TSGA10: variants seen among roughly 807,000 people sequenced by gnomAD.
The protein encoded by TSGA10 is testis-specific gene 10 protein.
In TSGA10, 43 loss-of-function variants were observed where a neutral mutation model predicts 96.6. The observed-to-expected ratio is 0.44, with a 90% CI of 0.35 to 0.57. TSGA10 has a LOEUF of 0.57. Among genes scored for constraint, TSGA10 ranks in the 20% least tolerant of loss-of-function variants. The pLI, the probability that TSGA10 is intolerant of heterozygous loss-of-function variation, is 0.01. For missense variants in TSGA10, 703 were observed against 834.4 expected (o/e 0.84, Z 1.94); for synonymous variants, 229 against 269.9 (o/e 0.85, Z 1.48).
At chr2:99,026,728 C>T (rs1365906706) in intron 17 of TSGA10, among the ~76,000 whole-genome samples, 1 of 152,056 alleles carries the variant, frequency 6.6e-6, no homozygotes, top group Non-Finnish European at 1.5e-5. Context: ...CGGCCCAAAG[C>T]AGCTCTTTTA....
At chr2:99,070,171 C>T (rs1003406433) in intron 14 of TSGA10, among the ~76,000 whole-genome samples, 1 of 152,040 alleles carries the variant, frequency 6.6e-6, no homozygotes, top group Non-Finnish European at 1.5e-5. Flanking sequence ...TTGAACAAGG[C>T]AGGAAAATGC....
chr2:99,119,536 C>A (rs1034747326), intron 2 of TSGA10, among the ~76,000 whole-genome samples: 2 of 152,128 alleles, frequency 1.3e-5, no homozygotes, highest in African/African-American at 4.8e-5. Flanking sequence ...TTGAAATGTA[C>A]ACACTTGAAA....
intron 20 of TSGA10, among the ~76,000 whole-genome samples, chr2:99,008,334 T>A (rs1249701862): frequency 1.3e-5 from 2 of 152,248 alleles, no homozygotes; most frequent in East Asian, 1.9e-4. Context: ...GTACTAAAAA[T>A]TTTTTTAACA....
At chr2:99,040,221 C>T (rs201494495) in intron 16 of TSGA10, among the ~76,000 whole-genome samples, 1 of 152,078 alleles carries the variant, frequency 6.6e-6, no homozygotes, top group East Asian at 1.9e-4. Context: ...GACAAGAATG[C>T]CCACTTTCAC....
At position 99,035,130 on chromosome 2, in the gene TSGA10, G is replaced by A. The variant is rs1167805091; in HGVS notation, c.1614+100C>T. 3 of 811,130 alleles carry A rather than the reference G, an allele frequency of 3.7e-6. No individual in the cohort carries two copies. The African/African-American group carries it at 5.2e-5, about 14-fold the overall frequency. The allele number at this position is 811,130 out of a possible 1,614,324, so 50.2% of individuals were successfully genotyped here. A position where few individuals can be genotyped will look rare whatever the true frequency, so the allele number is the denominator to read the frequency against. On this transcript the variant is annotated intron_variant, in intron 17 of 20. Coordinates refer to ENST00000393483, the MANE Select transcript of TSGA10 (RefSeq NM_025244.4). ...AAATAAAATCTAAGTTCAAAGACAT[G>A]GATTCATGTAATATTACATAAAAAA...
At chr2:99,150,628 C>G in intron 1 of TSGA10, 1 of 1,613,952 alleles carries the variant, frequency 6.2e-7, no homozygotes, top group African/African-American at 1.3e-5. Context: ...AGTGGATGAT[C>G]ACTTAATACG....
At chr2:99,152,939 G>A (rs2093707666) in intron 1 of TSGA10, among the ~76,000 whole-genome samples, 2 of 152,222 alleles carry the variant, frequency 1.3e-5, no homozygotes, top group African/African-American at 4.8e-5. Context: ...TTTTGAAGTT[G>A]TATACAGAAA....
intron 2 of TSGA10, chr2:99,125,427 GACA>G (rs1574573893): frequency 6.6e-6 from 1 of 152,136 alleles, no homozygotes; most frequent in East Asian, 1.9e-4. Flanking sequence ...TTTTTCCTGA[GACA>G]ACTTTTCTTC....
At chr2:99,122,494 T>A (rs1476098394) in intron 2 of TSGA10, among the ~76,000 whole-genome samples, 3 of 151,196 alleles carry the variant, frequency 2.0e-5, no homozygotes, top group Non-Finnish European at 2.9e-5. Context: ...TAAAAAAAAA[T>A]TTGAATCGGA....
At chr2:99,130,769 G>A (rs1345778982) in intron 1 of TSGA10, among the ~76,000 whole-genome samples, 3 of 152,166 alleles carry the variant, frequency 2.0e-5, no homozygotes, top group African/African-American at 7.2e-5. Flanking sequence ...TTATGTTTAA[G>A]TCTTTAATAC....
chr2:99,098,438 CAAAAA>C (rs59144676), intron 10 of TSGA10, among the ~76,000 whole-genome samples: 35 of 92,598 alleles, frequency 3.8e-4, no homozygotes, highest in East Asian at 1.4e-3. Flanking sequence ...GACTCTGCCT[CAAAAA>C]AAAAAAAAAA....
intron 17 of TSGA10, among the ~76,000 whole-genome samples, chr2:99,022,806 A>C (rs1013056048): frequency 6.6e-6 from 1 of 152,152 alleles, no homozygotes; most frequent in Admixed American, 6.5e-5. Flanking sequence ...TTCCACCAGC[A>C]ATGTATGAGG....
At chr2:99,086,113 C>CCTACATAACAA (rs2088330007) in intron 10 of TSGA10, among the ~76,000 whole-genome samples, 1 of 148,602 alleles carries the variant, frequency 6.7e-6, no homozygotes, top group African/African-American at 2.6e-5. Context: ...GTACAACAAA[C>CCTACATAACAA]ACCCATGACA....
In TSGA10 at chr2:99,127,899, C is replaced by T. The variant is rs141627765; in HGVS notation, c.-620-723G>A. ...ATTTCATTTCTAGAAATTTATACTA[C>T]AGCTATATATATGTACACTTATGCA... is the stretch of plus-strand genomic sequence containing the variant. On this transcript the variant is annotated intron_variant, in intron 1 of 20. Coordinates refer to ENST00000393483, the MANE Select transcript of TSGA10 (RefSeq NM_025244.4). 1.3e-3 allele frequency among the ~76,000 whole-genome samples: 200 copies of T among 152,308 alleles called. No individual in the cohort carries two copies. In the Middle Eastern group the frequency reaches 0.037, roughly 28 times the overall value.
At position 99,109,388 on chromosome 2, in the gene TSGA10, C is replaced by G; in HGVS notation, c.51+1G>C. The G allele has an allele frequency of 6.2e-7, 1 of 1,613,846 alleles. No individual in the cohort carries two copies. Among genetic ancestry groups the G allele is most frequent in the Non-Finnish European group, 8.5e-7 (1 of 1,179,824 alleles). ...AATATTTGTAAGTTTATAAAACCTA[C>G]CCGGGCAGTTGGTGATGGGCGTCTT... is the stretch of plus-strand genomic sequence containing the variant. On this transcript the variant is annotated splice_donor_variant, in intron 6 of 20. Coordinates refer to ENST00000393483, the MANE Select transcript of TSGA10 (RefSeq NM_025244.4). LOFTEE classifies it high-confidence loss of function.
intron 17 of TSGA10, among the ~76,000 whole-genome samples, chr2:99,025,457 G>A (rs2080476432): frequency 6.6e-6 from 1 of 152,084 alleles, no homozygotes; most frequent in East Asian, 1.9e-4. Flanking sequence ...TATAAGGTTA[G>A]TAGTGATGTC....
chr2:99,022,104 T>C (rs1205148791), intron 17 of TSGA10, among the ~76,000 whole-genome samples: 1 of 151,948 alleles, frequency 6.6e-6, no homozygotes, highest in Non-Finnish European at 1.5e-5. Context: ...GGTAGGTGGA[T>C]TGCTTGAGCT....
chr2:99,075,827 G>A (rs1452724680), intron 12 of TSGA10, among the ~76,000 whole-genome samples: 1 of 152,136 alleles, frequency 6.6e-6, no homozygotes, highest in African/African-American at 2.4e-5. Flanking sequence ...AAGAAAATGA[G>A]ATTTTGAAAG....
At chr2:99,100,709 G>A (rs930465632) in intron 10 of TSGA10, among the ~76,000 whole-genome samples, 1 of 150,584 alleles carries the variant, frequency 6.6e-6, no homozygotes, top group Non-Finnish European at 1.5e-5. Context: ...AGTCCCAGCT[G>A]CTCAGGAGGC....
Sources: allele counts gnomAD v4.1 joint callset (sites outside exome capture counted in the v4.1 genomes callset), GRCh38; gene constraint gnomAD v4.1.1; transcripts MANE v1.5; gene names NCBI Gene and HGNC (gene_info 2026-07-23, HGNC 2026-07-21).